The following IFIT1 variants were observed in gnomAD, a reference collection of about 807,000 sequenced individuals.
IFIT1 encodes the protein antiviral innate immune response effector IFIT1.
IFIT1 carries 1 observed loss-of-function variant against 2.5 expected under a neutral mutation model. The observed-to-expected ratio is 0.40, with a 90% CI of 0.14 to 1.92. The LOEUF (loss-of-function observed/expected upper bound fraction) is 1.92. IFIT1 is among the 40% of genes most tolerant of loss of function. The probability of loss-of-function intolerance (pLI) is 0.31; values close to 1 mark genes in which losing one functional copy is unlikely to be tolerated. For missense variants in IFIT1, 508 were observed against 557.8 expected, an observed-to-expected ratio of 0.91 and a Z score of 0.90; for synonymous variants, 191 against 201.7, an observed-to-expected ratio of 0.95 and a Z score of 0.45.
intron 1 of IFIT1, 50 bp from the exon 2 acceptor site, chr10:89,402,231 C>T (rs1414682925): frequency 8.2e-7 from 1 of 1,226,912 alleles, no homozygotes; most frequent in South Asian, 1.4e-5. Flanking sequence ...TGACTTTTTT[C>T]TTTTAGCTGT....
In IFIT1 at chr10:89,403,078, A is replaced by G; in HGVS notation, c.803A>G (p.Asp268Gly). The G allele has an allele frequency of 6.2e-7, 1 of 1,614,252 alleles. No homozygotes were observed. Among genetic ancestry groups the G allele is most frequent in the Non-Finnish European group, 8.5e-7 (1 of 1,180,042 alleles). The change falls in exon 2 of 2, where the codon GAT (aspartate) becomes GGT (glycine). Residue 268 changes from aspartate to glycine, a missense_variant. Coordinates refer to ENST00000371804, the MANE Select transcript of IFIT1 (RefSeq NM_001548.5). ...TTTTACCGAAGAAAAGGCTCTGTGG[A>G]TAAAGCTCTTGAGTTATTAAAAAAG... is the stretch of plus-strand genomic sequence containing the variant. ...AKFYRRKGSVDKALELLKKAL... is the reference protein window; with the variant it reads ...AKFYRRKGSVGKALELLKKAL...
chr10:89,403,400 A>G lies in IFIT1; in HGVS notation c.1125A>G (p.Glu375=). The G allele has an allele frequency of 6.2e-7, 1 of 1,613,840 alleles. No homozygotes were observed. The highest frequency in any genetic ancestry group is 8.5e-7 in the Non-Finnish European group (1 of 1,179,924). The part of the protein sequence containing the change: ...KLLCMKPVVE[E]TMQDIHFHYG... ...TATGCATGAAACCAGTGGTAGAAGA[A>G]ACAATGCAAGACATACATTTCCACT... The change falls in exon 2 of 2, where the codon GAA becomes GAG. Residue 375 remains glutamate (E), a synonymous_variant. Transcript: ENST00000371804.
At chr10:89,395,842 A>C (rs1844335803) in intron 1 of IFIT1, among the ~76,000 whole-genome samples, 1 of 152,076 alleles carries the variant, frequency 6.6e-6, no homozygotes, top group Non-Finnish European at 1.5e-5. Context: ...TACAACAGTG[A>C]CCTTTTGGAT....
At chr10:89,395,391 TC>T (rs1489019601) in intron 1 of IFIT1, among the ~76,000 whole-genome samples, 1 of 152,114 alleles carries the variant, frequency 6.6e-6, no homozygotes, top group African/African-American at 2.4e-5. Flanking sequence ...CCTCAATGGC[TC>T]CCCCTTTCCC....
In IFIT1 at chr10:89,402,649, G is replaced by T; in HGVS notation, c.374G>T (p.Cys125Phe). 6.2e-7 allele frequency: 1 copy of T among 1,614,210 alleles called. No homozygotes were observed. The highest frequency in any genetic ancestry group is 8.5e-7 in the Non-Finnish European group (1 of 1,180,024). ...QTYLDKVENI[C>F]KKLSNPFRYR... ...TACCTGGACAAGGTGGAGAACATTT[G>T]CAAGAAGCTTTCAAATCCCTTCCGC... The change falls in exon 2 of 2, where the codon TGC (cysteine) becomes TTC (phenylalanine). Residue 125 changes from cysteine to phenylalanine, a missense_variant. Physicochemically the swap from Cys to Phe is radical, Grantham distance 205. Transcript: ENST00000371804.
intron 1 of IFIT1, among the ~76,000 whole-genome samples, chr10:89,400,402 C>T (rs565477044): frequency 3.3e-4 from 51 of 152,298 alleles, no homozygotes; most frequent in East Asian, 1.3e-3. Flanking sequence ...TTCTAATCCA[C>T]GAACAAAGGA....
At position 89,403,817 on chromosome 10, in the gene IFIT1, T is replaced by G. The variant is rs1844483988; in HGVS notation, c.*105T>G. 2 of 661,236 alleles carry G rather than the reference T, an allele frequency of 3.0e-6. No homozygotes were observed. Among genetic ancestry groups the G allele is most frequent in the Middle Eastern group, 2.5e-4 (1 of 4,028 alleles). 41.0% of individuals were successfully genotyped at this position (661,236 alleles called of 1,614,324 possible). On this transcript the variant is annotated 3_prime_UTR_variant, in exon 2 of 2. Coordinates refer to ENST00000371804, the MANE Select transcript of IFIT1 (RefSeq NM_001548.5). Reference sequence around the variant, plus strand: ...TCAGAAACATTATAATTCACTGTAATGATGTAATTCTTGAATAATAAATCT... The same window carrying G: ...TCAGAAACATTATAATTCACTGTAAGGATGTAATTCTTGAATAATAAATCT...
At position 89,403,802 on chromosome 10, in the gene IFIT1, T is replaced by C. The variant is rs1187763994; in HGVS notation, c.*90T>C. 2 of 706,898 alleles carry C rather than the reference T, an allele frequency of 2.8e-6. No homozygotes were observed. Among genetic ancestry groups the C allele is most frequent in the East Asian group, 2.6e-5 (1 of 37,834 alleles). 43.8% of individuals were successfully genotyped at this position (706,898 alleles called of 1,614,324 possible). A position where few individuals can be genotyped will look rare whatever the true frequency, so the allele number is the denominator to read the frequency against. On this transcript the variant is annotated 3_prime_UTR_variant, in exon 2 of 2. Transcript: ENST00000371804. ...TTCTGCTTACTGTTTTCAGAAACAT[T>C]ATAATTCACTGTAATGATGTAATTC... is the stretch of plus-strand genomic sequence containing the variant.
In IFIT1 at chr10:89,402,697, T is replaced by C. The variant is rs1163432396; in HGVS notation, c.422T>C (p.Ile141Thr). The C allele has an allele frequency of 1.2e-6, 2 of 1,614,110 alleles. No individual in the cohort carries two copies. Among genetic ancestry groups the C allele is most frequent in the Non-Finnish European group, 1.7e-6 (2 of 1,179,990 alleles). The change falls in exon 2 of 2, where the codon ATA (isoleucine) becomes ACA (threonine). Residue 141 changes from isoleucine (I) to threonine (T), a missense_variant. Coordinates refer to ENST00000371804, the MANE Select transcript of IFIT1 (RefSeq NM_001548.5). ...CGCTATAGAATGGAGTGTCCAGAAA[T>C]AGACTGTGAGGAAGGATGGGCCTTG... ...PFRYRMECPE[I>T]DCEEGWALLK...
In IFIT1 at chr10:89,392,646, T is replaced by C. The variant is rs1844273126; in HGVS notation, c.-67T>C. 5.7e-6 allele frequency: 9 copies of C among 1,575,590 alleles called. No homozygotes were observed. Among genetic ancestry groups the C allele is most frequent in the Non-Finnish European group, 7.9e-6 (9 of 1,145,056 alleles). Reference sequence around the variant, plus strand: ...GTAACTGAAAATCCACAAGACAGAATAGCCAGATCTCAGAGGAGCCTGGCT... The same window carrying C: ...GTAACTGAAAATCCACAAGACAGAACAGCCAGATCTCAGAGGAGCCTGGCT... On this transcript the variant is annotated 5_prime_UTR_variant, in exon 1 of 2. Coordinates refer to ENST00000371804, the MANE Select transcript of IFIT1 (RefSeq NM_001548.5).
rs1844506477 is a variant in IFIT1 at position 89,404,972 on chromosome 10, A to T, written c.*1260A>T. On this transcript the variant is annotated 3_prime_UTR_variant, in exon 2 of 2. Transcript: ENST00000371804. ...GAGACCCCATCTCAAAAAAAAAAAA[A>T]GTTCTCTCCAATTGTATATAGCTTG... 6.6e-6 allele frequency: 1 copy of T among 151,876 alleles called. No individual in the cohort carries two copies. Among genetic ancestry groups the T allele is most frequent in the South Asian group, 2.1e-4 (1 of 4,828 alleles). The allele number at this position is 151,876 out of a possible 1,614,324, so 9.4% of individuals were successfully genotyped here.
rs1238440790 is a variant in IFIT1, at chr10:89,402,369, A to G, written c.94A>G (p.Met32Val). 1.2e-6 allele frequency: 2 copies of G among 1,614,180 alleles called. No individual in the cohort carries two copies. Among genetic ancestry groups the G allele is most frequent in the South Asian group, 2.2e-5 (2 of 91,090 alleles). The change falls in exon 2 of 2, where the codon ATG becomes GTG. Residue 32 changes from methionine to valine, a missense_variant. Physicochemically the swap from Met to Val is conservative, Grantham distance 21. Transcript: ENST00000371804. Reference sequence around the variant, plus strand: ...GGAGTTATCCATTGATGACGATGAAATGCCTGATTTAGAAAACAGAGTCTT... The same window carrying G: ...GGAGTTATCCATTGATGACGATGAAGTGCCTGATTTAGAAAACAGAGTCTT... Reference protein sequence around the residue: ...TWELSIDDDEMPDLENRVLDQ... With the variant: ...TWELSIDDDEVPDLENRVLDQ...
At position 89,403,552 on chromosome 10, in the gene IFIT1, T is replaced by C; in HGVS notation, c.1277T>C (p.Val426Ala). The C allele has an allele frequency of 3.1e-6, 5 of 1,613,982 alleles. No homozygotes were observed. The highest frequency in any genetic ancestry group is 4.2e-6 in the Non-Finnish European group (5 of 1,179,954). Residue 426 changes from valine to alanine, a missense_variant, in exon 2 of 2, where the codon GTT becomes GCT. Transcript: ENST00000371804. ...AGTATCAATTCTTTGAAGAAATTGG[T>C]TTTAAGGAAACTTCGGAGAAAGGCA... ...DKSINSLKKL[V>A]LRKLRRKALD... is the part of the protein sequence containing the mutation.
intron 1 of IFIT1, chr10:89,393,383 A>G: frequency 9.8e-7 from 1 of 1,018,308 alleles, no homozygotes; most frequent in Non-Finnish European, 1.3e-6. Context: ...GCTTGGGAAG[A>G]TCCGTATCTT....
rs564640056 is a variant in IFIT1, at chr10:89,402,635, G to A, written c.360G>A (p.Lys120=). 9 of 1,614,218 alleles carry A rather than the reference G, an allele frequency of 5.6e-6. No individual in the cohort carries two copies. Among genetic ancestry groups the A allele is most frequent in the African/African-American group, 1.3e-5 (1 of 75,048 alleles). ...RLAEAQTYLD[K]VENICKKLSN... ...CAGAAGCCCAGACTTACCTGGACAAGGTGGAGAACATTTGCAAGAAGCTTT... is the reference window on the plus strand; with the variant it reads ...CAGAAGCCCAGACTTACCTGGACAAAGTGGAGAACATTTGCAAGAAGCTTT... Residue 120 remains lysine, a synonymous_variant, in exon 2 of 2, where the codon AAG becomes AAA. Coordinates refer to ENST00000371804, the MANE Select transcript of IFIT1 (RefSeq NM_001548.5).
chr10:89,397,086 C>T (rs1844354965), intron 1 of IFIT1, among the ~76,000 whole-genome samples: 2 of 152,060 alleles, frequency 1.3e-5, no homozygotes, highest in Non-Finnish European at 2.9e-5. Context: ...TATGAAAGTC[C>T]ATCAAACTCA....
In IFIT1 at chr10:89,404,895, G is replaced by A. The variant is rs1436034791; in HGVS notation, c.*1183G>A. 2.6e-5 allele frequency: 4 copies of A among 152,062 alleles called. No individual in the cohort carries two copies. Among genetic ancestry groups the A allele is most frequent in the South Asian group, 2.1e-4 (1 of 4,818 alleles). The allele number at this position is 152,062 out of a possible 1,614,324, so 9.4% of individuals were successfully genotyped here. A position where few individuals can be genotyped will look rare whatever the true frequency, so the allele number is the denominator to read the frequency against. On this transcript the variant is annotated 3_prime_UTR_variant, in exon 2 of 2. Transcript: ENST00000371804. Reference sequence around the variant, plus strand: ...GTGGACTGCTGGAGCCAGGGAGTTCGAGGCTGCAGTGTCGAGATCTTGCCA... The same window carrying A: ...GTGGACTGCTGGAGCCAGGGAGTTCAAGGCTGCAGTGTCGAGATCTTGCCA...
In IFIT1 at chr10:89,405,617, C is replaced by G. The variant is rs1844517407; in HGVS notation, c.*1905C>G. On this transcript the variant is annotated 3_prime_UTR_variant, in exon 2 of 2. Transcript: ENST00000371804. ...CCTCCGGAGGCTCTAGGCAGATAGC[C>G]TTTTCCAGCTTCCAGAGGCTGCCTG... is the stretch of plus-strand genomic sequence containing the variant. 1 of 152,216 alleles carries G rather than the reference C, an allele frequency of 6.6e-6. No individual in the cohort carries two copies. The highest frequency in any genetic ancestry group is 1.5e-5 in the Non-Finnish European group (1 of 68,046). The allele number at this position is 152,216 out of a possible 1,614,324, so 9.4% of individuals were successfully genotyped here.
Position 89,403,708 on chromosome 10 carries a change from CT to C in IFIT1, c.1435del (p.Ter479ArgfsTer32). 6.5e-7 allele frequency: 1 copy of C among 1,536,610 alleles called. No individual in the cohort carries two copies. Among genetic ancestry groups the C allele is most frequent in the Non-Finnish European group, 8.8e-7 (1 of 1,134,746 alleles). ...TTTGAGAACTCTGTGAGACAAGGTC[CT>C]TAGGCACCCAGATATCAGCCACTTT... ...ADFENSVRQG[P>X] On this transcript the variant is annotated frameshift_variant, in exon 2 of 2. Transcript: ENST00000371804. LOFTEE classifies it high-confidence loss of function.
Sources: gnomAD v4.1 joint callset for allele counts (sites outside exome capture counted in the v4.1 genomes callset) on GRCh38, gnomAD v4.1.1 for gene constraint, MANE v1.5 for transcripts, NCBI Gene and HGNC (gene_info 2026-07-23, HGNC 2026-07-21) for gene names.